Variants in BRINP3 observed in about 807,000 individuals in gnomAD.
The protein encoded by BRINP3 is BMP/retinoic acid inducible neural specific 3.
Under a neutral mutation model 71.0 loss-of-function variants are expected in BRINP3, and 19 were observed. That is an observed-to-expected ratio of 0.27 (90% confidence interval 0.19 to 0.39). BRINP3 has a LOEUF of 0.39. Ranked by LOEUF, BRINP3 falls within the 10% of genes least tolerant of loss-of-function variation. BRINP3 has a pLI of 1.00. For synonymous variants in BRINP3, 380 were observed against 337.7 expected (o/e 1.13, Z -1.37); for missense variants, 959 against 940.8 (o/e 1.02, Z -0.25).
At chr1:190,364,944 A>C (rs1669387406) in intron 2 of BRINP3, among the ~76,000 whole-genome samples, 1 of 152,102 alleles carries the variant, frequency 6.6e-6, no homozygotes, top group Admixed American at 6.6e-5. Flanking sequence ...GAATTAACTC[A>C]AGACTCTATG....
intron 2 of BRINP3, among the ~76,000 whole-genome samples, chr1:190,370,152 A>G (rs1321231235): frequency 6.6e-6 from 1 of 152,202 alleles, no homozygotes; most frequent in African/African-American, 2.4e-5. Flanking sequence ...ACAATTGTCA[A>G]ATTAATCCAT....
intron 5 of BRINP3, among the ~76,000 whole-genome samples, chr1:190,228,806 A>G (rs1190012951): frequency 6.6e-6 from 1 of 151,452 alleles, no homozygotes; most frequent in Non-Finnish European, 1.5e-5. Flanking sequence ...TTTTTCTGCT[A>G]TGTACAGAAA....
intron 2 of BRINP3, among the ~76,000 whole-genome samples, chr1:190,435,595 G>C (rs1674406157): frequency 6.6e-6 from 1 of 151,992 alleles, no homozygotes; most frequent in African/African-American, 2.4e-5. Context: ...ACAATGTCAT[G>C]ATGTATGTTT....
At chr1:190,466,774 A>G (rs975227866) in intron 1 of BRINP3, among the ~76,000 whole-genome samples, 1 of 151,612 alleles carries the variant, frequency 6.6e-6, no homozygotes, top group Non-Finnish European at 1.5e-5. Flanking sequence ...TGGCACCAAC[A>G]AGAGAACTTG....
At chr1:190,304,059 G>T (rs1664921203) in intron 2 of BRINP3, among the ~76,000 whole-genome samples, 1 of 151,664 alleles carries the variant, frequency 6.6e-6, no homozygotes, top group Non-Finnish European at 1.5e-5. Flanking sequence ...GAAACCTGAA[G>T]AAAGTAAGAA....
intron 6 of BRINP3, among the ~76,000 whole-genome samples, chr1:190,193,341 C>T (rs557338196): frequency 7.6e-4 from 115 of 152,144 alleles, no homozygotes; most frequent in Middle Eastern, 3.4e-3. Context: ...TTCTGCAATT[C>T]AGTTTTGTGA....
intron 2 of BRINP3, among the ~76,000 whole-genome samples, chr1:190,427,203 G>T (rs569289314): frequency 6.6e-6 from 1 of 151,906 alleles, no homozygotes; most frequent in South Asian, 2.1e-4. Context: ...GTAAAATTGT[G>T]TTCTCTACTA....
intron 3 of BRINP3, among the ~76,000 whole-genome samples, chr1:190,272,535 A>G (rs1375118318): frequency 6.6e-6 from 1 of 151,472 alleles, no homozygotes; most frequent in Non-Finnish European, 1.5e-5. Context: ...AGTGCAATAA[A>G]TGTTATCTTT....
chr1:190,256,913 CTTA>C (rs761484187), intron 4 of BRINP3, among the ~76,000 whole-genome samples: 48 of 152,156 alleles, frequency 3.2e-4, no homozygotes, highest in Non-Finnish European at 5.1e-4. Context: ...TCTGGCTGCC[CTTA>C]TTATTTTTCC....
intron 5 of BRINP3, 64 bp downstream of exon 5, chr1:190,234,308 G>T (rs538935661): frequency 9.6e-6 from 12 of 1,243,936 alleles, no homozygotes; most frequent in South Asian, 1.5e-5. Flanking sequence ...AAATGGAAAA[G>T]AAATCACGAC....
intron 2 of BRINP3, among the ~76,000 whole-genome samples, chr1:190,308,195 C>A (rs939788713): frequency 6.7e-6 from 1 of 150,060 alleles, no homozygotes; most frequent in Non-Finnish European, 1.5e-5. Context: ...GACATAAGAA[C>A]ACTTGTATAT....
chr1:190,149,049 CA>C (rs776074241), intron 7 of BRINP3, among the ~76,000 whole-genome samples: 1 of 152,130 alleles, frequency 6.6e-6, no homozygotes, highest in Non-Finnish European at 1.5e-5. Context: ...TCAGAATCCT[CA>C]ATTGTGAATT....
intron 6 of BRINP3, among the ~76,000 whole-genome samples, chr1:190,177,198 T>C (rs1343397370): frequency 7.3e-6 from 1 of 137,706 alleles, no homozygotes; most frequent in Non-Finnish European, 1.5e-5. Context: ...AGTCTCACTC[T>C]GTCACCCAGG....
chr1:190,358,842 TGAG>T (rs1668926984), intron 2 of BRINP3, among the ~76,000 whole-genome samples: 1 of 152,118 alleles, frequency 6.6e-6, no homozygotes, highest in Non-Finnish European at 1.5e-5. Context: ...TAAAAAATGA[TGAG>T]TTCATGTCCT....
At chr1:190,204,014 T>C (rs902646158) in intron 6 of BRINP3, among the ~76,000 whole-genome samples, 5 of 151,490 alleles carry the variant, frequency 3.3e-5, no homozygotes, top group Admixed American at 6.6e-5. Context: ...TTTCATTATA[T>C]GATACCAATT....
At chr1:190,407,435 A>G (rs191052203) in intron 2 of BRINP3, among the ~76,000 whole-genome samples, 10 of 152,276 alleles carry the variant, frequency 6.6e-5, no homozygotes, top group African/African-American at 2.2e-4. Flanking sequence ...CTCAGTATAC[A>G]TGGCATCAAA....
intron 7 of BRINP3, among the ~76,000 whole-genome samples, chr1:190,149,554 G>A (rs957576066): frequency 6.6e-6 from 1 of 151,884 alleles, no homozygotes; most frequent in African/African-American, 2.4e-5. Flanking sequence ...ATTGTTGAGG[G>A]AGCATGTACG....
intron 2 of BRINP3, among the ~76,000 whole-genome samples, chr1:190,318,151 C>A (rs911958918): frequency 6.6e-6 from 1 of 151,878 alleles, no homozygotes; most frequent in African/African-American, 2.4e-5. Flanking sequence ...TAATAGTAGC[C>A]CAAACTACCT....
At chr1:190,119,212 T>C (rs1171273281) in intron 7 of BRINP3, among the ~76,000 whole-genome samples, 1 of 152,034 alleles carries the variant, frequency 6.6e-6, no homozygotes, top group Non-Finnish European at 1.5e-5. Context: ...TCCAAATCTT[T>C]AAAACATTAC....
Sources: allele counts gnomAD v4.1 joint callset (sites outside exome capture counted in the v4.1 genomes callset), GRCh38; gene constraint gnomAD v4.1.1; transcripts MANE v1.5; gene names NCBI Gene and HGNC (gene_info 2026-07-23, HGNC 2026-07-21).